Variants in ARHGAP26 observed in about 807,000 individuals in gnomAD.
The protein encoded by ARHGAP26 is Rho GTPase activating protein 26, also known as rho GTPase-activating protein 26.
In ARHGAP26, 38 loss-of-function variants were observed where a neutral mutation model predicts 104.8. That is an observed-to-expected ratio of 0.36 (90% confidence interval 0.28 to 0.48). The LOEUF is 0.48. Among genes scored for constraint, ARHGAP26 ranks in the 20% least tolerant of loss-of-function variants. The probability of loss-of-function intolerance (pLI) is 0.99; values close to 1 mark genes in which losing one functional copy is unlikely to be tolerated. For synonymous variants in ARHGAP26, 341 were observed against 340.0 expected, an observed-to-expected ratio of 1.00 and a Z score of -0.03; for missense variants, 704 against 947.9, an observed-to-expected ratio of 0.74 and a Z score of 3.38.
chr5:142,949,529 G>C lies in ARHGAP26; in HGVS notation c.1107+17404G>C, dbSNP rs559199572. 2.4e-4 allele frequency among the ~76,000 whole-genome samples: 36 copies of C among 152,254 alleles called. No homozygotes were observed. The South Asian group carries it at 7.3e-3, about 31-fold the overall frequency. On this transcript the variant is annotated intron_variant, in intron 11 of 22. Coordinates refer to ENST00000645722, the MANE Select transcript of ARHGAP26 (RefSeq NM_001135608.3). ...CAGATCAATTTTACCCAGAAGGTAG[G>C]CTGTTTCCTTGGATAGGTATCAGTA... is the stretch of plus-strand genomic sequence containing the variant.
chr5:143,091,376 G>T (rs1791417969), intron 17 of ARHGAP26, among the ~76,000 whole-genome samples: 1 of 152,206 alleles, frequency 6.6e-6, no homozygotes, highest in African/African-American at 2.4e-5. Flanking sequence ...AGTTTTGCGG[G>T]AAAGGAAAGT....
chr5:142,898,552 G>A (rs548590250), intron 6 of ARHGAP26, among the ~76,000 whole-genome samples: 24 of 152,056 alleles, frequency 1.6e-4, no homozygotes, highest in Admixed American at 5.2e-4. Flanking sequence ...TTTGCATTCT[G>A]CCTTGGGCCT....
intron 1 of ARHGAP26, among the ~76,000 whole-genome samples, chr5:142,775,816 C>T (rs1612480): frequency 0.31 from 46,670 of 152,174 alleles, 13,130 homozygotes; most frequent in African/African-American, 0.75. Flanking sequence ...TTTCATTTCT[C>T]TTCATGGCTA....
intron 20 of ARHGAP26, among the ~76,000 whole-genome samples, chr5:143,199,184 A>G (rs1257400405): frequency 6.6e-6 from 1 of 152,246 alleles, no homozygotes; most frequent in Non-Finnish European, 1.5e-5. Context: ...GCACATGAGT[A>G]GTAGAAAAGA....
At chr5:143,128,582 C>T (rs758671513) in intron 18 of ARHGAP26, among the ~76,000 whole-genome samples, 1 of 152,186 alleles carries the variant, frequency 6.6e-6, no homozygotes, top group Non-Finnish European at 1.5e-5. Context: ...ATACATAAGC[C>T]CTGCTAAGAC....
At chr5:143,134,131 C>A in intron 19 of ARHGAP26, 26 bp downstream of exon 19, 1 of 1,589,596 alleles carries the variant, frequency 6.3e-7, no homozygotes, top group South Asian at 1.1e-5. Context: ...ATAGGGCCAG[C>A]GTGGCATTCA....
rs189397495 is a variant in ARHGAP26 at position 142,804,555 on chromosome 5, G to A, written c.154+33640G>A. ...TGCCCAGGCTGGAGTGCAATGGTGT[G>A]ATCTCGGCCCACTGCAACCTCTGCC... On this transcript the variant is annotated intron_variant, in intron 1 of 22. Coordinates refer to ENST00000645722, the MANE Select transcript of ARHGAP26 (RefSeq NM_001135608.3). Among the ~76,000 whole-genome samples the A allele has an allele frequency of 4.9e-3, 736 of 150,702 alleles. 9 individuals carry two copies. The highest frequency in any genetic ancestry group is 0.027 in the Middle Eastern group (8 of 294).
chr5:142,827,727 C>G (rs1001636320), intron 1 of ARHGAP26, among the ~76,000 whole-genome samples: 2 of 152,180 alleles, frequency 1.3e-5, no homozygotes, highest in Admixed American at 1.3e-4. Flanking sequence ...AGTCTAGAAG[C>G]TGCTTTAGGT....
chr5:142,933,875 C>A (rs1765063883), intron 11 of ARHGAP26, among the ~76,000 whole-genome samples: 1 of 152,154 alleles, frequency 6.6e-6, no homozygotes, highest in African/African-American at 2.4e-5. Context: ...ATGTCTAATC[C>A]TAGACATATT....
At chr5:142,923,152 G>T (rs748726586) in intron 10 of ARHGAP26, among the ~76,000 whole-genome samples, 44 of 150,878 alleles carry the variant, frequency 2.9e-4, no homozygotes, top group Non-Finnish European at 5.4e-4. Flanking sequence ...GTTTAACAAA[G>T]AATGGGGTAT....
intron 1 of ARHGAP26, 34 bp downstream of exon 1, chr5:142,770,949 CG>C (rs773256606): frequency 6.3e-7 from 1 of 1,574,942 alleles, no homozygotes; most frequent in Admixed American, 1.8e-5. Flanking sequence ...GACGCGGCTC[CG>C]GGGCGGGAGG....
chr5:142,900,193 T>G (rs1383891647), intron 6 of ARHGAP26, among the ~76,000 whole-genome samples: 1 of 152,184 alleles, frequency 6.6e-6, no homozygotes, highest in East Asian at 1.9e-4. Context: ...ATTGGAGCCA[T>G]CTAAAAGGAA....
At chr5:142,849,286 C>T (rs1751055591) in intron 1 of ARHGAP26, among the ~76,000 whole-genome samples, 1 of 152,142 alleles carries the variant, frequency 6.6e-6, no homozygotes, top group Admixed American at 6.5e-5. Context: ...TTGGGTAAGA[C>T]AGGTTCTCAC....
At chr5:143,128,753 G>A (rs72799970) in intron 18 of ARHGAP26, among the ~76,000 whole-genome samples, 11,829 of 152,142 alleles carry the variant, frequency 0.078, 618 homozygotes, top group Non-Finnish European at 0.12. Flanking sequence ...CATTACTAGG[G>A]ACCCTGGTAC....
chr5:143,190,175 C>T (rs1805739245), intron 20 of ARHGAP26, among the ~76,000 whole-genome samples: 1 of 152,166 alleles, frequency 6.6e-6, no homozygotes, highest in Non-Finnish European at 1.5e-5. Context: ...AGAGCTCAGG[C>T]AGACAGACAG....
intron 1 of ARHGAP26, among the ~76,000 whole-genome samples, chr5:142,842,333 T>TA (rs909181070): frequency 4.6e-5 from 7 of 152,208 alleles, no homozygotes; most frequent in Non-Finnish European, 8.8e-5. Context: ...AGTGTGGAGT[T>TA]ATCTGGGTAT....
intron 9 of ARHGAP26, among the ~76,000 whole-genome samples, chr5:142,908,281 G>A (rs1562059228): frequency 1.3e-5 from 2 of 152,176 alleles, no homozygotes; most frequent in Non-Finnish European, 2.9e-5. Flanking sequence ...TGTGGGTCAC[G>A]AATTCAGGGG....
At chr5:142,814,039 C>T (rs1764638494) in intron 1 of ARHGAP26, among the ~76,000 whole-genome samples, 1 of 152,204 alleles carries the variant, frequency 6.6e-6, no homozygotes, top group African/African-American at 2.4e-5. Context: ...GTTGGCTGTT[C>T]CTCAGGAGGG....
At chr5:142,857,384 G>A (rs1752534745) in intron 1 of ARHGAP26, among the ~76,000 whole-genome samples, 1 of 152,152 alleles carries the variant, frequency 6.6e-6, no homozygotes, top group Non-Finnish European at 1.5e-5. Context: ...CAGTGAGGCT[G>A]CTTGGGGGAG....
Sources: allele counts gnomAD v4.1 joint callset (sites outside exome capture counted in the v4.1 genomes callset), GRCh38; gene constraint gnomAD v4.1.1; transcripts MANE v1.5; gene names NCBI Gene and HGNC (gene_info 2026-07-23, HGNC 2026-07-21).